FSIP2: variants seen among roughly 807,000 people sequenced by gnomAD.
The protein encoded by FSIP2 is fibrous sheath interacting protein 2.
FSIP2 carries 367 observed loss-of-function variants against 510.5 expected under a neutral mutation model. The observed-to-expected ratio is 0.72, with a 90% CI of 0.66 to 0.78. FSIP2 has a LOEUF of 0.78. Among genes scored for constraint, FSIP2 ranks in the 30% least tolerant of loss-of-function variants. The pLI is 0.00. For missense variants in FSIP2, 7,594 were observed against 7,901.7 expected (o/e 0.96, Z 1.48); for synonymous variants, 2,601 against 2,732.2 (o/e 0.95, Z 1.50).
chr2:185,765,796 T>A, intron 13 of FSIP2: 1 of 152,054 alleles, frequency 6.6e-6, no homozygotes, highest in East Asian at 1.9e-4. Flanking sequence ...TTCTTCTATT[T>A]GTTTGTATCC....
chr2:185,740,314 A>G (rs1389698745), intron 2 of FSIP2: 3 of 152,150 alleles, frequency 2.0e-5, no homozygotes, highest in African/African-American at 7.2e-5. Context: ...AGTTAATCAT[A>G]CTGGATTATA....
intron 22 of FSIP2, 69 bp downstream of exon 22, chr2:185,831,951 T>A (rs888756913): frequency 6.0e-5 from 54 of 903,486 alleles, no homozygotes; most frequent in Non-Finnish European, 8.7e-5. Flanking sequence ...AATTTAGAAT[T>A]TTTTATTACT....
At chr2:185,817,219 T>C (rs1435694228) in intron 19 of FSIP2, among the ~76,000 whole-genome samples, 1 of 151,876 alleles carries the variant, frequency 6.6e-6, no homozygotes, top group Non-Finnish European at 1.5e-5. Context: ...CTATGGGCTT[T>C]CTTAAGAAAT....
chr2:185,793,617 A>G lies in FSIP2; in HGVS notation c.6481A>G (p.Asn2161Asp), dbSNP rs762523324. 1.3e-6 allele frequency: 2 copies of G among 1,534,064 alleles called. No individual in the cohort carries two copies. Among genetic ancestry groups the G allele is most frequent in the South Asian group, 2.4e-5 (2 of 84,024 alleles). Residue 2161 changes from asparagine (N) to aspartate (D), a missense_variant, in exon 16 of 23, where the codon AAT (asparagine) becomes GAT (aspartate). Physicochemically the swap from Asn to Asp is conservative, Grantham distance 23. Transcript: ENST00000424728. ...DVILISNDIV[N>D]IVLHNLSSAA... The stretch of plus-strand genomic sequence containing the variant: ...CATTTTGATATCCAATGATATAGTG[A>G]ATATTGTTCTTCATAATCTCAGTTC...
chr2:185,751,626 TA>T (rs563400102), intron 7 of FSIP2, among the ~76,000 whole-genome samples: 66 of 151,400 alleles, frequency 4.4e-4, no homozygotes, highest in African/African-American at 1.3e-3. Flanking sequence ...GTCATCTCAT[TA>T]TTTTTTTATT....
At chr2:185,743,456 G>C (rs1691965209) in intron 3 of FSIP2, among the ~76,000 whole-genome samples, 162 bp downstream of exon 3, 1 of 152,122 alleles carries the variant, frequency 6.6e-6, no homozygotes, top group Admixed American at 6.5e-5. Context: ...TGAATCAAGA[G>C]AAATCAGACA....
chr2:185,796,738 G>A lies in FSIP2; in HGVS notation c.9602G>A (p.Arg3201Lys). The A allele has an allele frequency of 2.0e-6, 3 of 1,535,052 alleles. No homozygotes were observed. The highest frequency in any genetic ancestry group is 2.6e-6 in the Non-Finnish European group (3 of 1,146,238). Residue 3201 changes from arginine to lysine, a missense_variant, in exon 16 of 23, where the codon AGG becomes AAG. Physicochemically the swap from Arg to Lys is conservative, Grantham distance 26 (BLOSUM62 2). Coordinates refer to ENST00000424728, the MANE Select transcript of FSIP2 (RefSeq NM_173651.4). ...CSDEDMKEKYRVSSDLPTSVR... is the reference protein window; with the variant it reads ...CSDEDMKEKYKVSSDLPTSVR... ...GATGAAGATATGAAAGAAAAGTACA[G>A]GGTTTCATCAGATTTACCCACCTCT...
rs1296782078 is a variant in FSIP2 at position 185,804,386 on chromosome 2, C to A, written c.15080C>A (p.Ser5027Ter). 6.6e-7 allele frequency: 1 copy of A among 1,504,130 alleles called. No homozygotes were observed. Among genetic ancestry groups the A allele is most frequent in the South Asian group, 1.3e-5 (1 of 78,784 alleles). 93.2% of individuals were successfully genotyped at this position (1,504,130 alleles called of 1,614,324 possible). A position where few individuals can be genotyped will look rare whatever the true frequency, so the allele number is the denominator to read the frequency against. ...GAAATGGTTCAAAAAATAGTCAACT[C>A]AGTATATGGAAAAGTATTAGATCAA... is the stretch of plus-strand genomic sequence containing the variant. ...YKEMVQKIVN[S>*]VYGKVLDQYK... Residue 5027 changes from serine (S) to a stop codon, truncating the protein, a stop_gained, in exon 17 of 23, where the codon TCA (serine) becomes TAA (stop). Transcript: ENST00000424728. LOFTEE classifies it high-confidence loss of function.
chr2:185,782,736 A>G lies in FSIP2; in HGVS notation c.1443A>G (p.Ile481Met). The G allele has an allele frequency of 6.6e-7, 1 of 1,512,414 alleles. No individual in the cohort carries two copies. The highest frequency in any genetic ancestry group is 2.5e-5 in the East Asian group (1 of 40,776). 93.7% of individuals were successfully genotyped at this position (1,512,414 alleles called of 1,614,324 possible). A position where few individuals can be genotyped will look rare whatever the true frequency, so the allele number is the denominator to read the frequency against. Residue 481 changes from isoleucine to methionine, a missense_variant, in exon 14 of 23, where the codon ATA (isoleucine) becomes ATG (methionine). Coordinates refer to ENST00000424728, the MANE Select transcript of FSIP2 (RefSeq NM_173651.4). ...AGGCTCATGCTACAGACCCGGGTAT[A>G]TTTTCTTCTCCTGTTTACACAAATA... ...GPQAHATDPG[I>M]FSSPVYTNMQ...
In FSIP2 at chr2:185,794,189, T is replaced by G; in HGVS notation, c.7053T>G (p.Tyr2351Ter). The change falls in exon 16 of 23, where the codon TAT becomes TAG. Residue 2351 changes from tyrosine to a stop codon, truncating the protein, a stop_gained. Transcript: ENST00000424728. LOFTEE classifies it high-confidence loss of function. Reference sequence around the variant, plus strand: ...TATCGCAAGCTAGGCTTAAGACATATGCTGACGTCATTGCCAGTGCCATTT... The same window carrying G: ...TATCGCAAGCTAGGCTTAAGACATAGGCTGACGTCATTGCCAGTGCCATTT... ...IHLSQARLKT[Y>*]ADVIASAILK... 1 of 1,534,794 alleles carries G rather than the reference T, an allele frequency of 6.5e-7. No individual in the cohort carries two copies. The highest frequency in any genetic ancestry group is 8.7e-7 in the Non-Finnish European group (1 of 1,145,954).
intron 22 of FSIP2, 22 bp from the exon 23 acceptor site, chr2:185,833,068 T>G (rs751624801): frequency 6.2e-7 from 1 of 1,607,622 alleles, no homozygotes; most frequent in Non-Finnish European, 8.5e-7. Flanking sequence ...GATATCATTC[T>G]TCTTGTTTAC....
In FSIP2 at chr2:185,794,384, T is replaced by G; in HGVS notation, c.7248T>G (p.Asn2416Lys). The G allele has an allele frequency of 6.6e-7, 1 of 1,518,944 alleles. No homozygotes were observed. The allele number at this position is 1,518,944 out of a possible 1,614,324, so 94.1% of individuals were successfully genotyped here. A position where few individuals can be genotyped will look rare whatever the true frequency, so the allele number is the denominator to read the frequency against. ...AAATTTGTTTTAATTCAAAAGAAAA[T>G]TCTAACTTTTCACAATTAGCTTTAT... is the stretch of plus-strand genomic sequence containing the variant. ...VKEICFNSKENSNFSQLALSN... is the reference protein window; with the variant it reads ...VKEICFNSKEKSNFSQLALSN... Residue 2416 changes from asparagine (N) to lysine (K), a missense_variant, in exon 16 of 23, where the codon AAT becomes AAG. Physicochemically the swap from Asn to Lys is moderately conservative, Grantham distance 94. Coordinates refer to ENST00000424728, the MANE Select transcript of FSIP2 (RefSeq NM_173651.4).
intron 13 of FSIP2, chr2:185,766,109 C>T (rs1199386218): frequency 4.6e-5 from 7 of 152,042 alleles, no homozygotes; most frequent in Non-Finnish European, 1.0e-4. Context: ...ATTTGACTTC[C>T]TCTTTTCCTA....
intron 13 of FSIP2, among the ~76,000 whole-genome samples, chr2:185,776,453 G>T (rs1692722108): frequency 1.3e-5 from 2 of 151,162 alleles, no homozygotes; most frequent in African/African-American, 2.4e-5. Context: ...TGGTTACCTG[G>T]GTGTATATTT....
chr2:185,737,987 G>T (rs1258331956), upstream of FSIP2, among the ~76,000 whole-genome samples: 1 of 152,200 alleles, frequency 6.6e-6, no homozygotes, highest in Non-Finnish European at 1.5e-5. Flanking sequence ...GTTTGGCACA[G>T]TATATGGAAG....
At chr2:185,742,592 C>G (rs1691945614) in intron 2 of FSIP2, among the ~76,000 whole-genome samples, 1 of 152,172 alleles carries the variant, frequency 6.6e-6, no homozygotes, top group South Asian at 2.1e-4. Context: ...TTAAAAACCT[C>G]AAGATGCAAT....
intron 19 of FSIP2, among the ~76,000 whole-genome samples, chr2:185,818,828 C>G (rs1458226966): frequency 6.6e-6 from 1 of 151,766 alleles, no homozygotes; most frequent in Admixed American, 6.6e-5. Flanking sequence ...AAAGAAAGTT[C>G]TTCAAGTTAA....
chr2:185,823,162 CTTG>C (rs963242583), intron 19 of FSIP2, among the ~76,000 whole-genome samples: 6 of 151,656 alleles, frequency 4.0e-5, no homozygotes, highest in South Asian at 2.1e-4. Context: ...TTTTTTTGTT[CTTG>C]TTGTTATGAT....
Position 185,792,060 on chromosome 2 carries a change from C to T in FSIP2, c.4924C>T (p.His1642Tyr). The change falls in exon 16 of 23, where the codon CAT becomes TAT. Residue 1642 changes from histidine (H) to tyrosine (Y), a missense_variant. His to Tyr is a moderately conservative substitution (Grantham distance 83). Transcript: ENST00000424728. ...EASFLSALYM[H>Y]AKKVSSAILK... is the part of the protein sequence containing the mutation. The stretch of plus-strand genomic sequence containing the variant: ...ATCATTTCTGTCTGCTTTATATATG[C>T]ATGCAAAGAAGGTATCAAGTGCTAT... 2.0e-6 allele frequency: 3 copies of T among 1,533,408 alleles called. No homozygotes were observed. The highest frequency in any genetic ancestry group is 1.2e-5 in the South Asian group (1 of 84,010). The allele number at this position is 1,533,408 out of a possible 1,614,324, so 95.0% of individuals were successfully genotyped here. A position where few individuals can be genotyped will look rare whatever the true frequency, so the allele number is the denominator to read the frequency against.
Sources: allele counts gnomAD v4.1 joint callset (sites outside exome capture counted in the v4.1 genomes callset), GRCh38; gene constraint gnomAD v4.1.1; transcripts MANE v1.5; gene names NCBI Gene and HGNC (gene_info 2026-07-23, HGNC 2026-07-21).